Variants in KSR2 observed in about 807,000 individuals in gnomAD.
The protein encoded by KSR2 is kinase suppressor of ras 2.
Under a neutral mutation model 107.8 loss-of-function variants are expected in KSR2, and 25 were observed. The ratio of observed to expected loss-of-function variants is 0.23; its 90% confidence interval spans 0.17 to 0.32. The LOEUF (loss-of-function observed/expected upper bound fraction) is 0.32, where lower values mean the gene tolerates loss of function less well. KSR2 is among the 10% of genes least tolerant of loss of function. The pLI, the probability that KSR2 is intolerant of heterozygous loss-of-function variation, is 1.00. For synonymous variants in KSR2, 480 were observed against 507.0 expected (o/e 0.95, Z 0.71); for missense variants, 887 against 1,268.9 (o/e 0.70, Z 4.57).
intron 5 of KSR2, among the ~76,000 whole-genome samples, chr12:117,626,894 T>C (rs1431683120): frequency 6.6e-6 from 1 of 152,224 alleles, no homozygotes; most frequent in Non-Finnish European, 1.5e-5. Context: ...TGCTCCTGTA[T>C]TGGGTGCATA....
At chr12:117,904,774 G>T (rs1894789601) in intron 1 of KSR2, among the ~76,000 whole-genome samples, 1 of 152,110 alleles carries the variant, frequency 6.6e-6, no homozygotes, top group African/African-American at 2.4e-5. Flanking sequence ...GCTGTATTTA[G>T]CCCCCAAGAA....
chr12:117,611,693 T>C lies in KSR2; in HGVS notation c.1172-29334A>G, dbSNP rs569613493. Among the ~76,000 whole-genome samples, 71 of 152,262 alleles carry C rather than the reference T, an allele frequency of 4.7e-4. 4 individuals carry two copies. Among genetic ancestry groups the C allele is most frequent in the Middle Eastern group, 3.4e-3 (1 of 294 alleles). On this transcript the variant is annotated intron_variant, in intron 5 of 19. Transcript: ENST00000339824. ...TCAAGTAGCAGCTGGGAACCTCTTA[T>C]AACAATCATTTCTGGAACTCCTATT...
chr12:117,898,788 G>A (rs1419746060), intron 1 of KSR2, among the ~76,000 whole-genome samples: 2 of 151,842 alleles, frequency 1.3e-5, no homozygotes, highest in African/African-American at 4.8e-5. Context: ...ACAACATGGA[G>A]GGAACTGGAG....
intron 17 of KSR2, among the ~76,000 whole-genome samples, chr12:117,473,175 C>G (rs1871579927): frequency 6.6e-6 from 1 of 152,198 alleles, no homozygotes; most frequent in Non-Finnish European, 1.5e-5. Context: ...CCTCACATTT[C>G]CTCTGCCTCC....
intron 14 of KSR2, among the ~76,000 whole-genome samples, chr12:117,491,000 T>C (rs1264457075): frequency 1.3e-5 from 2 of 152,178 alleles, no homozygotes; most frequent in Non-Finnish European, 2.9e-5. Flanking sequence ...ATAATCACCA[T>C]GATGTTCAAT....
At chr12:117,712,993 AT>A (rs1338279694) in intron 4 of KSR2, among the ~76,000 whole-genome samples, 1 of 151,122 alleles carries the variant, frequency 6.6e-6, no homozygotes, top group Non-Finnish European at 1.5e-5. Flanking sequence ...GATAATAGAT[AT>A]AGATACAGAT....
At chr12:117,917,488 T>G (rs1463435079) in intron 1 of KSR2, among the ~76,000 whole-genome samples, 1 of 152,154 alleles carries the variant, frequency 6.6e-6, no homozygotes, top group Non-Finnish European at 1.5e-5. Flanking sequence ...GCTACAGTGA[T>G]CATGTCACTG....
At chr12:117,600,186 C>T (rs765591040) in intron 5 of KSR2, among the ~76,000 whole-genome samples, 3 of 152,206 alleles carry the variant, frequency 2.0e-5, no homozygotes, top group Admixed American at 6.5e-5. Context: ...TGCTCAAAGA[C>T]GGTCTGATTG....
intron 3 of KSR2, among the ~76,000 whole-genome samples, chr12:117,775,662 C>T (rs1056533872): frequency 3.9e-5 from 6 of 152,194 alleles, no homozygotes; most frequent in Admixed American, 3.3e-4. Flanking sequence ...GGATAGGAAT[C>T]ATCAGCCCCA....
At position 117,555,157 on chromosome 12, in the gene KSR2, G is replaced by A. The variant is rs1208228362; in HGVS notation, c.1518+12C>T. 9 of 1,613,740 alleles carry A rather than the reference G, an allele frequency of 5.6e-6. No homozygotes were observed. The highest frequency in any genetic ancestry group is 1.7e-5 in the Admixed American group (1 of 60,016). ...CCCCACATGCCGAGACCCAGGGGAAGCCCAGCCTTACCTTGTTGATTTTGT... is the reference window on the plus strand; with the variant it reads ...CCCCACATGCCGAGACCCAGGGGAAACCCAGCCTTACCTTGTTGATTTTGT... On this transcript the variant is annotated intron_variant, in intron 9 of 19. Transcript: ENST00000339824.
chr12:117,917,561 T>C (rs916695531), intron 1 of KSR2, among the ~76,000 whole-genome samples: 10 of 152,050 alleles, frequency 6.6e-5, no homozygotes, highest in Admixed American at 2.0e-4. Flanking sequence ...ATGAATACAA[T>C]AAAAGTATTT....
chr12:117,947,207 A>AGAAAGAAAGAAAGAAAGAAAGAAAGAAAG (rs1566094579), intron 1 of KSR2, among the ~76,000 whole-genome samples: 1 of 83,950 alleles, frequency 1.2e-5, no homozygotes, highest in African/African-American at 5.7e-5. Flanking sequence ...AAAGAAAGAA[A>AGAAAGAAAGAAAGAAAGAAAGAAAGAAAG]AGAAAGAAAG....
chr12:117,614,303 T>C (rs1460739930), intron 5 of KSR2, among the ~76,000 whole-genome samples: 1 of 152,188 alleles, frequency 6.6e-6, no homozygotes, highest in Non-Finnish European at 1.5e-5. Flanking sequence ...CTTTATATAA[T>C]TGTGTATTGT....
intron 7 of KSR2, among the ~76,000 whole-genome samples, chr12:117,572,810 T>C (rs1455116297): frequency 2.6e-5 from 4 of 151,860 alleles, no homozygotes; most frequent in Admixed American, 6.6e-5. Context: ...CTGCAAGAAA[T>C]GCAGATAGGG....
At chr12:117,895,066 C>CA (rs758019520) in intron 1 of KSR2, among the ~76,000 whole-genome samples, 187 of 151,630 alleles carry the variant, frequency 1.2e-3, no homozygotes, top group Non-Finnish European at 2.1e-3. Flanking sequence ...TCTGTCTCTA[C>CA]AAAAAATTAA....
At position 117,859,199 on chromosome 12, in the gene KSR2, A is replaced by G. The variant is rs112011991; in HGVS notation, c.321+1092T>C. On this transcript the variant is annotated intron_variant, in intron 2 of 19. Coordinates refer to ENST00000339824, the MANE Select transcript of KSR2 (RefSeq NM_173598.6). ...TCTTTCTCTACACCCAGGCTGGAGT[A>G]CAGTGGTGGGATCTCAGTTCACTGC... Among the ~76,000 whole-genome samples, 19 of 135,070 alleles carry G rather than the reference A, an allele frequency of 1.4e-4. 1 individual carries two copies. Among genetic ancestry groups the G allele is most frequent in the African/African-American group, 5.1e-4 (18 of 35,108 alleles). 88.6% of individuals were successfully genotyped at this position (135,070 alleles called of 152,430 possible).
chr12:117,655,545 C>T (rs1479905013), intron 5 of KSR2, among the ~76,000 whole-genome samples: 2 of 152,122 alleles, frequency 1.3e-5, no homozygotes, highest in Non-Finnish European at 2.9e-5. Flanking sequence ...AATCAAGGGG[C>T]GGAAGTGGCA....
At chr12:117,841,722 TCAGA>T (rs1285412581) in intron 3 of KSR2, among the ~76,000 whole-genome samples, 2 of 151,714 alleles carry the variant, frequency 1.3e-5, no homozygotes, top group Non-Finnish European at 2.9e-5. Context: ...TTAACAGGAG[TCAGA>T]CAGAAATGAG....
chr12:117,889,836 G>A (rs1247494664), intron 1 of KSR2: 1 of 152,146 alleles, frequency 6.6e-6, no homozygotes, highest in East Asian at 1.9e-4. Context: ...AATCTAGTGG[G>A]TAGAGACCAG....
Sources: gnomAD v4.1 joint callset for allele counts (sites outside exome capture counted in the v4.1 genomes callset) on GRCh38, gnomAD v4.1.1 for gene constraint, MANE v1.5 for transcripts, NCBI Gene and HGNC (gene_info 2026-07-23, HGNC 2026-07-21) for gene names.